Variants in SCN3A observed in about 807,000 individuals in gnomAD.
SCN3A encodes sodium voltage-gated channel alpha subunit 3.
Under a neutral mutation model 187.6 loss-of-function variants are expected in SCN3A, and 60 were observed. The ratio of observed to expected loss-of-function variants is 0.32; its 90% confidence interval spans 0.26 to 0.40. The LOEUF (loss-of-function observed/expected upper bound fraction) is 0.40, where lower values mean the gene tolerates loss of function less well. Ranked by LOEUF, SCN3A falls within the 10% of genes least tolerant of loss-of-function variation. The pLI is 1.00. For missense variants in SCN3A, 1,601 were observed against 2,428.2 expected (o/e 0.66, Z 7.16); for synonymous variants, 788 against 829.2 (o/e 0.95, Z 0.85).
At chr2:165,179,455 T>G (rs1184170281) in intron 2 of SCN3A, 1 of 152,212 alleles carries the variant, frequency 6.6e-6, no homozygotes, top group Non-Finnish European at 1.5e-5. Context: ...AATCACCGAG[T>G]AATTTTCACA....
Position 165,154,585 on chromosome 2 carries a change from A to G in SCN3A, c.1247T>C (p.Val416Ala). 6.2e-7 allele frequency: 1 copy of G among 1,614,136 alleles called. No individual in the cohort carries two copies. The change falls in exon 11 of 28, where the codon GTG (valine) becomes GCG (alanine). Residue 416 changes from valine (V) to alanine (A), a missense_variant. By Grantham distance (64) the Val-to-Ala change is moderately conservative. Transcript: ENST00000283254. The stretch of plus-strand genomic sequence containing the variant: ...GGCCACCACAGCCAGGATCAAATTC[A>G]CCAAATAAAATGAGCCCAAGAAAAT... ...LVIFLGSFYL[V>A]NLILAVVAMA... is the part of the protein sequence containing the mutation.
chr2:165,138,165 G>C (rs370610713), intron 14 of SCN3A, 48 bp from the exon 15 acceptor site: 49 of 1,318,746 alleles, frequency 3.7e-5, no homozygotes, highest in Middle Eastern at 3.6e-4. Context: ...ACAAAAATGA[G>C]TTATTATTGC....
intron 18 of SCN3A, among the ~76,000 whole-genome samples, chr2:165,127,126 G>A (rs1266138956): frequency 1.3e-5 from 2 of 152,194 alleles, no homozygotes; most frequent in Admixed American, 6.5e-5. Flanking sequence ...TGATGTGATC[G>A]TGGCTCACTG....
rs1454236827 is a variant in SCN3A, at chr2:165,118,984, G to A, written c.3394-3409C>T. ...TCACCATGTTAGCCAGGATGGTCTT[G>A]ATCTCCTGACTTCGTGATCAGCCTG... On this transcript the variant is annotated intron_variant, in intron 18 of 27. Transcript: ENST00000283254. 2.0e-5 allele frequency among the ~76,000 whole-genome samples: 3 copies of A among 150,568 alleles called. No homozygotes were observed. In the South Asian group the frequency reaches 6.3e-4, roughly 32 times the overall value.
At chr2:165,164,644 C>T (rs1274746779) in intron 5 of SCN3A, 124 bp from the exon 6 acceptor site, 4 of 1,060,292 alleles carry the variant, frequency 3.8e-6, no homozygotes, top group Non-Finnish European at 4.2e-6. Context: ...TTCCTTACTT[C>T]TATTTACCAA....
At chr2:165,106,608 T>A (rs1685872624) in intron 21 of SCN3A, among the ~76,000 whole-genome samples, 1 of 152,200 alleles carries the variant, frequency 6.6e-6, no homozygotes, top group Non-Finnish European at 1.5e-5. Context: ...ATCTACACAC[T>A]AGGAAAGTAA....
intron 27 of SCN3A, 29 bp from the exon 28 acceptor site, chr2:165,091,374 A>G (rs755622177): frequency 6.2e-7 from 1 of 1,613,222 alleles, no homozygotes; most frequent in Admixed American, 1.7e-5. Flanking sequence ...ACAGCTAAAC[A>G]GATAATATCT....
At chr2:165,198,043 A>G (rs1002576785) in intron 1 of SCN3A, among the ~76,000 whole-genome samples, 3 of 152,014 alleles carry the variant, frequency 2.0e-5, no homozygotes, top group African/African-American at 7.2e-5. Flanking sequence ...AAGGACGGCA[A>G]TGTGTTTGCC....
rs1687066154 is a variant in SCN3A, at chr2:165,127,559, A to G, written c.3393+72T>C. 8 of 1,233,468 alleles carry G rather than the reference A, an allele frequency of 6.5e-6. No homozygotes were observed. The Admixed American group carries it at 1.0e-4, about 16-fold the overall frequency. 76.4% of individuals were successfully genotyped at this position (1,233,468 alleles called of 1,614,324 possible). ...CTTTTTGATAATGCATATAAGCACA[A>G]TGAAAATAGTAAATAACTGTAGTAC... On this transcript the variant is annotated intron_variant, in intron 18 of 27. Coordinates refer to ENST00000283254, the MANE Select transcript of SCN3A (RefSeq NM_006922.4).
chr2:165,115,263 T>C (rs1686309911), intron 19 of SCN3A, among the ~76,000 whole-genome samples, 192 bp downstream of exon 19: 1 of 151,828 alleles, frequency 6.6e-6, no homozygotes, highest in South Asian at 2.1e-4. Flanking sequence ...GGCAAAGCCT[T>C]ACTACATTTC....
intron 1 of SCN3A, among the ~76,000 whole-genome samples, chr2:165,198,339 T>C (rs1297584899): frequency 6.6e-6 from 1 of 152,014 alleles, no homozygotes; most frequent in Non-Finnish European, 1.5e-5. Context: ...AGTGCCAATG[T>C]AGCTGTGCTT....
intron 21 of SCN3A, among the ~76,000 whole-genome samples, chr2:165,109,646 A>T (rs1222352037): frequency 1.3e-5 from 2 of 152,080 alleles, no homozygotes. Flanking sequence ...CATTATTAAA[A>T]CAACCTCCTA....
intron 12 of SCN3A, among the ~76,000 whole-genome samples, chr2:165,141,425 G>C (rs1688009428): frequency 6.6e-6 from 1 of 152,192 alleles, no homozygotes; most frequent in Admixed American, 6.5e-5. Context: ...TTTGGCTCAA[G>C]TGAGAATGTT....
In SCN3A at chr2:165,140,920, C is replaced by T. The variant is rs1361746513; in HGVS notation, c.1750G>A (p.Ala584Thr). ...TCATTTTCAGATCCAACATCCTTTG[C>T]CCGACCTCTGAAACTGAAAATGCTT... ...KTSIFSFRGR[A>T]KDVGSENDFA... The change falls in exon 13 of 28, where the codon GCA (alanine) becomes ACA (threonine). Residue 584 changes from alanine (A) to threonine (T), a missense_variant. This residue lies in a region of SCN3A where 376 missense variants were observed against 476.0 expected (regional missense o/e 0.79). Coordinates refer to ENST00000283254, the MANE Select transcript of SCN3A (RefSeq NM_006922.4). The surrounding 1 kb of genome is among the most constrained non-coding windows in gnomAD (Gnocchi z 4.2). 6.2e-7 allele frequency: 1 copy of T among 1,613,898 alleles called. No homozygotes were observed. The highest frequency in any genetic ancestry group is 1.7e-5 in the Admixed American group (1 of 59,956).
Position 165,115,571 on chromosome 2 carries a change from A to C in SCN3A, c.3398T>G (p.Leu1133Ter). Residue 1133 changes from leucine (L) to a stop codon, truncating the protein, a stop_gained, in exon 19 of 28, where the codon TTA becomes TGA. Transcript: ENST00000283254. LOFTEE classifies it high-confidence loss of function. ...TCCTTCAGATGAGCTGGTTGCATTT[A>C]ATTTCTGGAAACAAAATCCCATTTC... ...ESELEESKEK[L>*]NATSSSEGST... The C allele has an allele frequency of 6.2e-7, 1 of 1,613,698 alleles. No homozygotes were observed. The highest frequency in any genetic ancestry group is 8.5e-7 in the Non-Finnish European group (1 of 1,179,770).
chr2:165,138,141 A>G, intron 14 of SCN3A, 24 bp from the exon 15 acceptor site: 1 of 1,537,238 alleles, frequency 6.5e-7, no homozygotes, highest in Non-Finnish European at 9.0e-7. Context: ...AACAAGGAAG[A>G]GTAGTAAATA....
intron 2 of SCN3A, among the ~76,000 whole-genome samples, chr2:165,179,867 A>G (rs572324284): frequency 6.6e-6 from 1 of 152,144 alleles, no homozygotes; most frequent in Non-Finnish European, 1.5e-5. Flanking sequence ...TGAGCTTATT[A>G]TACAGAGTTC....
At chr2:165,098,885 C>A (rs1230884817) in intron 22 of SCN3A, among the ~76,000 whole-genome samples, 1 of 152,058 alleles carries the variant, frequency 6.6e-6, no homozygotes, top group African/African-American at 2.4e-5. Context: ...CATAAATGAA[C>A]TGTTAATAGG....
intron 17 of SCN3A, 116 bp downstream of exon 17, chr2:165,129,824 G>T (rs1319859078): frequency 7.8e-7 from 1 of 1,281,086 alleles, no homozygotes; most frequent in Non-Finnish European, 1.1e-6. Flanking sequence ...GCTAATAGGG[G>T]GATTTCAGTC....
Sources: gnomAD v4.1 joint callset for allele counts (sites outside exome capture counted in the v4.1 genomes callset) on GRCh38, gnomAD v4.1.1 for gene constraint, gnomAD v4.1.1 regional missense constraint, Gnocchi (gnomAD v3.1) non-coding constraint, MANE v1.5 for transcripts, NCBI Gene and HGNC (gene_info 2026-07-23, HGNC 2026-07-21) for gene names.